Variants in PCDH15 observed in about 807,000 individuals in gnomAD.
PCDH15 encodes the protein protocadherin related 15.
In PCDH15, 129 loss-of-function variants were observed where a neutral mutation model predicts 178.5. The ratio of observed to expected loss-of-function variants is 0.72; its 90% CI spans 0.63 to 0.84. The LOEUF is 0.84. PCDH15 is among the 40% of genes least tolerant of loss of function. PCDH15 has a pLI of 0.00. For synonymous variants in PCDH15, 800 were observed against 732.0 expected, an observed-to-expected ratio of 1.09 and a Z score of -1.50; for missense variants, 2,230 against 2,099.9, an observed-to-expected ratio of 1.06 and a Z score of -1.21.
chr10:54,889,933 C>T (rs1473685796), intron 3 of PCDH15, among the ~76,000 whole-genome samples: 2 of 151,836 alleles, frequency 1.3e-5, no homozygotes, highest in African/African-American at 4.8e-5. Context: ...AAATTAGAGA[C>T]ACATTAGCCA....
intron 9 of PCDH15, among the ~76,000 whole-genome samples, chr10:54,216,944 TA>T (rs2052146004): frequency 6.6e-6 from 1 of 152,142 alleles, no homozygotes; most frequent in Non-Finnish European, 1.5e-5. Flanking sequence ...ACTATGGAGT[TA>T]TTTTCAGCTA....
chr10:55,361,460 T>C (rs1845228458), intron 2 of PCDH15, among the ~76,000 whole-genome samples: 1 of 152,156 alleles, frequency 6.6e-6, no homozygotes, highest in South Asian at 2.1e-4. Flanking sequence ...AGTAAAACGA[T>C]TAGAAATTTG....
chr10:54,171,715 T>C (rs995258865), intron 13 of PCDH15, among the ~76,000 whole-genome samples: 2 of 152,112 alleles, frequency 1.3e-5, no homozygotes, highest in Non-Finnish European at 2.9e-5. Flanking sequence ...TAATCAGATA[T>C]CCTGAGTTGT....
At chr10:54,921,376 G>A (rs1837483216) in intron 2 of PCDH15, among the ~76,000 whole-genome samples, 1 of 151,650 alleles carries the variant, frequency 6.6e-6, no homozygotes, top group African/African-American at 2.4e-5. Flanking sequence ...AAGGTTTGTT[G>A]TATAGATAAA....
chr10:55,035,881 G>T (rs996956547), intron 2 of PCDH15, among the ~76,000 whole-genome samples: 1 of 152,040 alleles, frequency 6.6e-6, no homozygotes, highest in African/African-American at 2.4e-5. Flanking sequence ...TAATACTTTG[G>T]TCATGACCTA....
intron 1 of PCDH15, among the ~76,000 whole-genome samples, chr10:54,790,904 A>G (rs915187876): frequency 3.9e-5 from 6 of 151,940 alleles, no homozygotes; most frequent in Non-Finnish European, 8.8e-5. Context: ...ACATCCTCAC[A>G]AAGATAAGAA....
Position 55,584,357 on chromosome 10 carries a change from T to TAA in PCDH15, c.-156+43266_-156+43267dup, listed in dbSNP as rs5785145. 9.6e-3 allele frequency among the ~76,000 whole-genome samples: 1,408 copies of TAA among 146,996 alleles called. 12 individuals carry two copies. Among genetic ancestry groups the TAA allele is most frequent in the Non-Finnish European group, 0.014 (905 of 66,792 alleles). On this transcript the variant is annotated intron_variant, in intron 2 of 5. Coordinates refer to the PCDH15 transcript ENST00000613346. ...GGAATTTTAATTCTGGAAGTTTCCT[T>TAA]AAAAAAAAAAAATCAATTAGGCCAG...
intron 8 of PCDH15, among the ~76,000 whole-genome samples, chr10:54,296,177 G>T (rs1281668505): frequency 7.4e-6 from 1 of 135,622 alleles, no homozygotes; most frequent in Non-Finnish European, 1.6e-5. Context: ...AAAGTGGTTG[G>T]CACGGCCACT....
chr10:54,147,749 G>A (rs2044132662), intron 14 of PCDH15, among the ~76,000 whole-genome samples: 1 of 151,646 alleles, frequency 6.6e-6, no homozygotes, highest in Admixed American at 6.6e-5. Context: ...AAAAACAAAA[G>A]GTGACTTTGT....
intron 4 of PCDH15, among the ~76,000 whole-genome samples, chr10:54,372,090 G>A (rs1266872667): frequency 6.6e-6 from 1 of 151,848 alleles, no homozygotes; most frequent in African/African-American, 2.4e-5. Context: ...TATTTTAATT[G>A]TAAATTAAAA....
At chr10:54,164,056 T>A (rs1157311738) in intron 13 of PCDH15, among the ~76,000 whole-genome samples, 1 of 152,150 alleles carries the variant, frequency 6.6e-6, no homozygotes, top group East Asian at 1.9e-4. Flanking sequence ...ATTGCTTTAT[T>A]AAAGAAAAGT....
chr10:55,368,084 T>G (rs901260126), intron 2 of PCDH15, among the ~76,000 whole-genome samples: 1 of 152,138 alleles, frequency 6.6e-6, no homozygotes, highest in Non-Finnish European at 1.5e-5. Context: ...AATAATAATG[T>G]TATTAAGTAT....
At chr10:55,385,172 C>T (rs78274621) in intron 2 of PCDH15, among the ~76,000 whole-genome samples, 1 of 151,994 alleles carries the variant, frequency 6.6e-6, no homozygotes, top group African/African-American at 2.4e-5. Flanking sequence ...ACGTGTTTGG[C>T]CTAAACAATG....
intron 2 of PCDH15, among the ~76,000 whole-genome samples, chr10:55,601,740 T>A (rs1843085037): frequency 6.6e-6 from 1 of 151,934 alleles, no homozygotes; most frequent in African/African-American, 2.4e-5. Context: ...GTAAGAAAAA[T>A]CTTCAGATAG....
intron 28 of PCDH15, among the ~76,000 whole-genome samples, chr10:53,843,468 T>G (rs1375518984): frequency 6.6e-6 from 1 of 151,998 alleles, no homozygotes; most frequent in Non-Finnish European, 1.5e-5. Flanking sequence ...TAACCCATAA[T>G]ATTTGTATCA....
At chr10:55,265,877 G>C (rs1466054051) in intron 1 of PCDH15, among the ~76,000 whole-genome samples, 1 of 152,100 alleles carries the variant, frequency 6.6e-6, no homozygotes, top group Non-Finnish European at 1.5e-5. Context: ...ATATACATTA[G>C]AGAGCCTCCT....
At chr10:54,023,337 T>A in intron 18 of PCDH15, 140 bp from the exon 19 acceptor site, 1 of 703,826 alleles carries the variant, frequency 1.4e-6, no homozygotes, top group South Asian at 1.8e-5. Flanking sequence ...ACAATGACAA[T>A]ACAATGCAAA....
intron 2 of PCDH15, among the ~76,000 whole-genome samples, chr10:54,627,840 A>T (rs2093599686): frequency 6.6e-6 from 1 of 152,194 alleles, no homozygotes; most frequent in East Asian, 1.9e-4. Flanking sequence ...GAGAATCTGC[A>T]GTTCTCACAG....
intron 2 of PCDH15, among the ~76,000 whole-genome samples, chr10:55,131,726 C>A (rs1838050723): frequency 1.3e-5 from 1 of 75,998 alleles, no homozygotes; most frequent in Non-Finnish European, 3.4e-5. Flanking sequence ...CTCCTCTCTG[C>A]AGGCAGGTCA....
Sources: gnomAD v4.1 joint callset for allele counts (sites outside exome capture counted in the v4.1 genomes callset) on GRCh38, gnomAD v4.1.1 for gene constraint, MANE v1.5 for transcripts, NCBI Gene and HGNC (gene_info 2026-07-23, HGNC 2026-07-21) for gene names.